Variants in SUMF1 observed in about 807,000 individuals in gnomAD.
The protein encoded by SUMF1 is sulfatase modifying factor 1.
SUMF1 carries 48 observed loss-of-function variants against 47.6 expected under a neutral mutation model. That is an observed-to-expected ratio of 1.01 (90% confidence interval 0.80 to 1.28). SUMF1 has a LOEUF of 1.28. Ranked by LOEUF, SUMF1 falls within the 50% of genes most tolerant of loss-of-function variation. SUMF1 has a pLI of 0.00. For missense variants in SUMF1, 571 were observed against 485.4 expected (o/e 1.18, Z -1.66); for synonymous variants, 230 against 192.1 (o/e 1.20, Z -1.63).
chr3:4,157,298 G>C (rs1559519640), intron 8 of SUMF1, among the ~76,000 whole-genome samples: 2 of 151,436 alleles, frequency 1.3e-5, no homozygotes, highest in Non-Finnish European at 2.9e-5. Context: ...CCACTTCAGG[G>C]AAGAGGCCTT....
At chr3:4,329,526 C>G (rs930967808) in intron 8 of SUMF1, among the ~76,000 whole-genome samples, 4 of 152,240 alleles carry the variant, frequency 2.6e-5, no homozygotes, top group Admixed American at 2.0e-4. Flanking sequence ...TTAGCCATGG[C>G]TGGAGTGGTT....
intron 9 of SUMF1, among the ~76,000 whole-genome samples, chr3:4,042,833 G>T (rs76776955): frequency 6.6e-6 from 1 of 152,048 alleles, no homozygotes; most frequent in Non-Finnish European, 1.5e-5. Context: ...AAACAGAAAA[G>T]GATCAGGCTA....
intron 3 of SUMF1, among the ~76,000 whole-genome samples, chr3:4,435,862 G>A (rs1702380017): frequency 6.6e-6 from 1 of 152,176 alleles, no homozygotes; most frequent in Admixed American, 6.5e-5. Context: ...TCTAAAAAAA[G>A]TACTACAGGA....
intron 1 of SUMF1, 152 bp from the exon 2 acceptor site, chr3:4,453,201 AAAG>A (rs1703034638): frequency 2.7e-6 from 2 of 753,476 alleles, no homozygotes; most frequent in African/African-American, 3.5e-5. Context: ...TCTATACCCC[AAAG>A]AAGGTGAATC....
chr3:4,038,790 C>G (rs1337629037), intron 9 of SUMF1, among the ~76,000 whole-genome samples: 1 of 152,148 alleles, frequency 6.6e-6, no homozygotes, highest in Non-Finnish European at 1.5e-5. Context: ...GAGTCTCTCC[C>G]CAGGGAAACT....
At chr3:4,220,496 G>A (rs929235926) in intron 8 of SUMF1, among the ~76,000 whole-genome samples, 4 of 151,902 alleles carry the variant, frequency 2.6e-5, no homozygotes, top group East Asian at 1.9e-4. Flanking sequence ...TATCTAGGAC[G>A]GTTTTCATTT....
chr3:4,396,392 A>C (rs929709883), intron 7 of SUMF1, among the ~76,000 whole-genome samples: 1 of 152,256 alleles, frequency 6.6e-6, no homozygotes, highest in Non-Finnish European at 1.5e-5. Flanking sequence ...GATTGCAAAT[A>C]GAAAGTGTCT....
intron 8 of SUMF1, among the ~76,000 whole-genome samples, chr3:4,081,406 G>T (rs929890586): frequency 2.6e-5 from 4 of 152,108 alleles, no homozygotes; most frequent in Non-Finnish European, 4.4e-5. Flanking sequence ...GGCTGGCACC[G>T]TTCCTAGCAT....
intron 7 of SUMF1, among the ~76,000 whole-genome samples, chr3:4,398,031 G>A (rs1368280154): frequency 6.6e-6 from 1 of 152,094 alleles, no homozygotes; most frequent in Non-Finnish European, 1.5e-5. Flanking sequence ...CTGGGTGAAA[G>A]GTTAACTAAC....
intron 8 of SUMF1, among the ~76,000 whole-genome samples, chr3:4,169,281 T>C (rs1694778705): frequency 6.6e-6 from 1 of 152,170 alleles, no homozygotes; most frequent in Non-Finnish European, 1.5e-5. Context: ...CCCCAGTATC[T>C]ATGAATCTGA....
chr3:4,161,243 G>A (rs1276655011), intron 8 of SUMF1, among the ~76,000 whole-genome samples: 21 of 152,148 alleles, frequency 1.4e-4, no homozygotes, highest in Admixed American at 1.4e-3. Context: ...ACCCCTGTGG[G>A]TACCAACACT....
rs532127604 is a variant in SUMF1 at position 4,347,149 on chromosome 3, T to C, written c.1014+29181A>G. ...TTCCTTCTGAAACTATTCCAAACAATTGAAAAGAAGGAACTCTTCCCTAAC... is the reference window on the plus strand; with the variant it reads ...TTCCTTCTGAAACTATTCCAAACAACTGAAAAGAAGGAACTCTTCCCTAAC... On this transcript the variant is annotated intron_variant and NMD_transcript_variant, in intron 8 of 12. Coordinates refer to the SUMF1 transcript ENST00000448413. Among the ~76,000 whole-genome samples, 68 of 152,226 alleles carry C rather than the reference T, an allele frequency of 4.5e-4. 1 individual carries two copies. The highest frequency in any genetic ancestry group is 1.6e-3 in the African/African-American group (66 of 41,558).
chr3:4,242,774 G>A (rs1696570773), intron 8 of SUMF1, among the ~76,000 whole-genome samples: 1 of 152,154 alleles, frequency 6.6e-6, no homozygotes, highest in African/African-American at 2.4e-5. Context: ...GGATCAGGAT[G>A]ATGTTGGCCT....
At chr3:4,161,244 T>G (rs1024617313) in intron 8 of SUMF1, among the ~76,000 whole-genome samples, 12 of 152,234 alleles carry the variant, frequency 7.9e-5, no homozygotes, top group African/African-American at 2.9e-4. Flanking sequence ...CCCCTGTGGG[T>G]ACCAACACTG....
intron 1 of SUMF1, among the ~76,000 whole-genome samples, chr3:4,456,376 GAGAA>G (rs1169378277): frequency 1.3e-5 from 2 of 151,530 alleles, no homozygotes; most frequent in East Asian, 3.9e-4. Flanking sequence ...AATTAGGCAA[GAGAA>G]AGAAAGAAAC....
intron 3 of SUMF1, among the ~76,000 whole-genome samples, chr3:4,434,274 A>C (rs1702328136): frequency 6.6e-6 from 1 of 152,264 alleles, no homozygotes; most frequent in African/African-American, 2.4e-5. Flanking sequence ...GGTAAATTTT[A>C]TGTTATGTAT....
In SUMF1 at chr3:4,316,715, A is replaced by G. The variant is rs923771293; in HGVS notation, c.1014+59615T>C. 5.8e-6 allele frequency: 9 copies of G among 1,550,916 alleles called. No homozygotes were observed. In the African/African-American group the frequency reaches 1.1e-4, roughly 19 times the overall value. On this transcript the variant is annotated intron_variant and NMD_transcript_variant, in intron 8 of 12. Transcript: ENST00000448413. ...TTTTATATGACAACCGGCGACGATC[A>G]GCTCAGTGGTTGGATCAAGAAGAAG...
chr3:4,111,337 G>C (rs564349766), intron 8 of SUMF1, among the ~76,000 whole-genome samples: 2 of 152,164 alleles, frequency 1.3e-5, no homozygotes, highest in African/African-American at 4.8e-5. Context: ...TGTTGTTCAA[G>C]GGTAAACTGT....
chr3:4,143,655 C>T (rs548134897), intron 8 of SUMF1, among the ~76,000 whole-genome samples: 1 of 152,202 alleles, frequency 6.6e-6, no homozygotes, highest in East Asian at 1.9e-4. Flanking sequence ...TGAGAATGTA[C>T]AGAGAAAGGG....
Sources: allele counts gnomAD v4.1 joint callset (sites outside exome capture counted in the v4.1 genomes callset), GRCh38; gene constraint gnomAD v4.1.1; transcripts MANE v1.5; gene names NCBI Gene and HGNC (gene_info 2026-07-23, HGNC 2026-07-21).